PLPP7: variants seen among roughly 807,000 people sequenced by gnomAD.
PLPP7 encodes the protein phospholipid phosphatase 7 (inactive).
PLPP7 carries 11 observed loss-of-function variants against 16.9 expected under a neutral mutation model. That is an observed-to-expected ratio of 0.65 (90% CI 0.41 to 1.08). PLPP7 has a LOEUF of 1.08. PLPP7 is among the 50% of genes least tolerant of loss of function. PLPP7 has a pLI of 0.00. For missense variants in PLPP7, 358 were observed against 397.1 expected (o/e 0.90, Z 0.84); for synonymous variants, 174 against 175.1 (o/e 0.99, Z 0.05).
Position 131,293,410 on chromosome 9 carries a change from G to A in PLPP7, c.451+2962G>A, listed in dbSNP as rs577649102. Reference sequence around the variant, plus strand: ...ATAGGCCACAGAGCAGGCCGGGTGGGTCTGGGGACCCCGAGGTCACTCTGT... The same window carrying A: ...ATAGGCCACAGAGCAGGCCGGGTGGATCTGGGGACCCCGAGGTCACTCTGT... On this transcript the variant is annotated intron_variant, in intron 1 of 1. Coordinates refer to ENST00000372264, the MANE Select transcript of PLPP7 (RefSeq NM_032728.4). Among the ~76,000 whole-genome samples the A allele has an allele frequency of 7.2e-5, 11 of 152,346 alleles. No individual in the cohort carries two copies. The South Asian group carries it at 2.1e-3, about 29-fold the overall frequency.
In PLPP7 at chr9:131,289,925, C is replaced by T; in HGVS notation, c.-73C>T. On this transcript the variant is annotated 5_prime_UTR_variant, in exon 1 of 2. Transcript: ENST00000372264. ...GCAGCCACGGTGGCGGCTCTGGGGGCAGCTCTTGTCTTCGGGGAGAAGGCC... is the reference window on the plus strand; with the variant it reads ...GCAGCCACGGTGGCGGCTCTGGGGGTAGCTCTTGTCTTCGGGGAGAAGGCC... The T allele has an allele frequency of 4.7e-6, 6 of 1,266,048 alleles. No individual in the cohort carries two copies. The highest frequency in any genetic ancestry group is 6.1e-6 in the Non-Finnish European group (6 of 983,430). 78.4% of individuals were successfully genotyped at this position (1,266,048 alleles called of 1,614,324 possible). A position where few individuals can be genotyped will look rare whatever the true frequency, so the allele number is the denominator to read the frequency against.
At chr9:131,301,416 C>T (rs2131218401) in intron 1 of PLPP7, among the ~76,000 whole-genome samples, 1 of 152,300 alleles carries the variant, frequency 6.6e-6, no homozygotes. Context: ...CTGCATGAAC[C>T]ACCCCCTACC....
intron 1 of PLPP7, among the ~76,000 whole-genome samples, chr9:131,298,310 G>T (rs564177790): frequency 6.6e-6 from 1 of 152,124 alleles, no homozygotes. Flanking sequence ...CCTTCCGGAA[G>T]CCAGAATGGG....
At position 131,296,688 on chromosome 9, in the gene PLPP7, G is replaced by A. The variant is rs777146539; in HGVS notation, c.451+6240G>A. On this transcript the variant is annotated intron_variant, in intron 1 of 1. Transcript: ENST00000372264. ...GTCACGTGCCCCTGGATTTTTCCCC[G>A]TGCGAATGCTAATGTGTGATGTGTT... Among the ~76,000 whole-genome samples, 29 of 152,132 alleles carry A rather than the reference G, an allele frequency of 1.9e-4. 1 individual carries two copies. Among genetic ancestry groups the A allele is most frequent in the Admixed American group, 8.5e-4 (13 of 15,270 alleles).
chr9:131,308,291 G>A lies in PLPP7; in HGVS notation c.*4G>A, dbSNP rs746640712. On this transcript the variant is annotated 3_prime_UTR_variant, in exon 2 of 2. Coordinates refer to ENST00000372264, the MANE Select transcript of PLPP7 (RefSeq NM_032728.4). ...GATGCTCATCTCTGCCTGGTGAAGC[G>A]CCCGCCGGCCCACACAAGCCTCTGG... is the stretch of plus-strand genomic sequence containing the variant. 24 of 1,558,524 alleles carry A rather than the reference G, an allele frequency of 1.5e-5. No homozygotes were observed. The highest frequency in any genetic ancestry group is 7.0e-5 in the South Asian group (6 of 85,588).
At position 131,308,344 on chromosome 9, in the gene PLPP7, AG is replaced by A. The variant is rs1484919989; in HGVS notation, c.*62del. On this transcript the variant is annotated 3_prime_UTR_variant, in exon 2 of 2. Transcript: ENST00000372264. Reference sequence around the variant, plus strand: ...GCAGGGCTGGCCCTAGAGAAGGGGCAGGGGGTGGCGAGGTGGCGGGCGTGGG... The same window carrying A: ...GCAGGGCTGGCCCTAGAGAAGGGGCAGGGGTGGCGAGGTGGCGGGCGTGGG... 3 of 1,509,518 alleles carry A rather than the reference AG, an allele frequency of 2.0e-6. No individual in the cohort carries two copies. The highest frequency in any genetic ancestry group is 2.7e-5 in the African/African-American group (2 of 73,044). 93.5% of individuals were successfully genotyped at this position (1,509,518 alleles called of 1,614,324 possible).
At position 131,290,680 on chromosome 9, in the gene PLPP7, C is replaced by T. The variant is rs1835662565; in HGVS notation, c.451+232C>T. Among the ~76,000 whole-genome samples the T allele has an allele frequency of 6.6e-6, 1 of 152,210 alleles. No homozygotes were observed. Among genetic ancestry groups the T allele is most frequent in the Admixed American group, 6.5e-5 (1 of 15,282 alleles). The stretch of plus-strand genomic sequence containing the variant: ...CCACATGCCAAATGAAGACAGAGGC[C>T]ATTGCGGCCCTGTGAGAAGGACCTG... On this transcript the variant is annotated intron_variant, in intron 1 of 1. Transcript: ENST00000372264. This position sits in a 1 kb window ranked among gnomAD's most constrained non-coding sequence, Gnocchi z 4.2.
intron 1 of PLPP7, among the ~76,000 whole-genome samples, chr9:131,307,573 AAAAAAAAAAAAC>A (rs1835867320): frequency 4.1e-5 from 6 of 146,140 alleles, no homozygotes; most frequent in African/African-American, 1.5e-4. Context: ...AAAAAAAAAA[AAAAAAAAAAAAC>A]CCAAAGAAAT....
In PLPP7 at chr9:131,290,017, G is replaced by T; in HGVS notation, c.20G>T (p.Arg7Leu). The T allele has an allele frequency of 7.0e-7, 1 of 1,430,786 alleles. No homozygotes were observed. The highest frequency in any genetic ancestry group is 1.6e-5 in the South Asian group (1 of 63,244). 88.6% of individuals were successfully genotyped at this position (1,430,786 alleles called of 1,614,324 possible). A position where few individuals can be genotyped will look rare whatever the true frequency, so the allele number is the denominator to read the frequency against. Residue 7 changes from arginine (R) to leucine (L), a missense_variant, in exon 1 of 2, where the codon CGG (arginine) becomes CTG (leucine). Physicochemically the swap from Arg to Leu is moderately radical, Grantham distance 102 (BLOSUM62 -2). Transcript: ENST00000372264. This position sits in a 1 kb window ranked among gnomAD's most constrained non-coding sequence, Gnocchi z 4.2. ...GTCACCATGCCAGCTTCCCAGAGCC[G>T]GGCCCGTGCCCGGGACCGCAACAAC... Reference protein sequence around the residue: MPASQSRARARDRNNVL... With the variant: MPASQSLARARDRNNVL...
At chr9:131,306,361 G>A (rs561984418) in intron 1 of PLPP7, among the ~76,000 whole-genome samples, 219 of 151,244 alleles carry the variant, frequency 1.4e-3, no homozygotes, top group Non-Finnish European at 2.7e-3. Flanking sequence ...GGCCAACATG[G>A]CAAAGCCCCG....
At position 131,308,135 on chromosome 9, in the gene PLPP7, G is replaced by T. The variant is rs761321190; in HGVS notation, c.664G>T (p.Ala222Ser). Residue 222 changes from alanine to serine, a missense_variant, in exon 2 of 2, where the codon GCC becomes TCC. By Grantham distance (99) the Ala-to-Ser change is moderately conservative (BLOSUM62 1). Transcript: ENST00000372264. ...VPLRVLLVLWALCVGLSRVMI... is the reference protein window; with the variant it reads ...VPLRVLLVLWSLCVGLSRVMI... ...CCTGCGTGTGCTGCTGGTGCTCTGG[G>T]CCCTCTGCGTGGGCCTGTCCCGCGT... The T allele has an allele frequency of 6.2e-7, 1 of 1,600,942 alleles. No individual in the cohort carries two copies. The highest frequency in any genetic ancestry group is 1.7e-5 in the Admixed American group (1 of 60,016).
chr9:131,289,935 C>A lies in PLPP7; in HGVS notation c.-63C>A. The A allele has an allele frequency of 7.5e-7, 1 of 1,328,946 alleles. No individual in the cohort carries two copies. Among genetic ancestry groups the A allele is most frequent in the Non-Finnish European group, 9.7e-7 (1 of 1,034,574 alleles). 82.3% of individuals were successfully genotyped at this position (1,328,946 alleles called of 1,614,324 possible). A position where few individuals can be genotyped will look rare whatever the true frequency, so the allele number is the denominator to read the frequency against. ...TGGCGGCTCTGGGGGCAGCTCTTGT[C>A]TTCGGGGAGAAGGCCCTTGGAGCCG... is the stretch of plus-strand genomic sequence containing the variant. On this transcript the variant is annotated 5_prime_UTR_variant, in exon 1 of 2. Transcript: ENST00000372264.
chr9:131,301,577 G>C (rs1835798537), intron 1 of PLPP7, among the ~76,000 whole-genome samples: 1 of 152,150 alleles, frequency 6.6e-6, no homozygotes, highest in South Asian at 2.1e-4. Flanking sequence ...TTTGACCCTG[G>C]TGGGACCTTA....
chr9:131,293,278 C>T (rs892809500), intron 1 of PLPP7, among the ~76,000 whole-genome samples: 32 of 152,122 alleles, frequency 2.1e-4, no homozygotes, highest in African/African-American at 7.7e-4. Context: ...ACTCCTGGAG[C>T]GTGTGTGCTT....
chr9:131,293,608 T>C (rs149452877), intron 1 of PLPP7, among the ~76,000 whole-genome samples: 332 of 152,252 alleles, frequency 2.2e-3, no homozygotes, highest in African/African-American at 7.4e-3. Context: ...CATCTGTCCT[T>C]TTGTCTTTGG....
intron 1 of PLPP7, among the ~76,000 whole-genome samples, chr9:131,306,466 CG>C (rs2131221331): frequency 1.3e-5 from 1 of 76,576 alleles, no homozygotes; most frequent in South Asian, 4.5e-4. Flanking sequence ...CACGTGAACC[CG>C]GGAGGTGGGC....
intron 1 of PLPP7, among the ~76,000 whole-genome samples, chr9:131,304,040 G>A (rs531126540): frequency 5.5e-4 from 84 of 152,252 alleles, no homozygotes; most frequent in African/African-American, 1.7e-3. Context: ...AGGGGGCAGG[G>A]GCACGGGCTC....
At chr9:131,298,091 C>T (rs1405885427) in intron 1 of PLPP7, among the ~76,000 whole-genome samples, 2 of 152,012 alleles carry the variant, frequency 1.3e-5, no homozygotes, top group Admixed American at 6.6e-5. Context: ...TCACGTTTTT[C>T]GGTGTTATAA....
At chr9:131,292,638 G>A (rs1262421434) in intron 1 of PLPP7, 1 of 203,336 alleles carries the variant, frequency 4.9e-6, no homozygotes, top group Non-Finnish European at 8.7e-6. Flanking sequence ...CCAGCAGGGG[G>A]AGGATCAGAG....
Sources: allele counts gnomAD v4.1 joint callset (sites outside exome capture counted in the v4.1 genomes callset), GRCh38; gene constraint gnomAD v4.1.1; non-coding constraint Gnocchi (gnomAD v3.1); transcripts MANE v1.5; gene names NCBI Gene and HGNC (gene_info 2026-07-23, HGNC 2026-07-21).